Variants in NCS1 observed in about 807,000 individuals in gnomAD.
The protein encoded by NCS1 is frequenin homolog.
In NCS1, 6 loss-of-function variants were observed where a neutral mutation model predicts 28.4. That is an observed-to-expected ratio of 0.21 (90% CI 0.12 to 0.42). NCS1 has a LOEUF of 0.42. Among genes scored for constraint, NCS1 ranks in the 10% least tolerant of loss-of-function variants. The probability of loss-of-function intolerance (pLI) is 1.00; values close to 1 mark genes in which losing one functional copy is unlikely to be tolerated. For missense variants in NCS1, 131 were observed against 241.4 expected (o/e 0.54, Z 3.03); for synonymous variants, 86 against 99.3 (o/e 0.87, Z 0.79).
chr9:130,226,272 G>T lies in NCS1; in HGVS notation c.475-117G>T, dbSNP rs1437418159. The T allele has an allele frequency of 3.6e-6, 3 of 830,876 alleles. No individual in the cohort carries two copies. The highest frequency in any genetic ancestry group is 2.7e-5 in the East Asian group (1 of 37,440). 51.5% of individuals were successfully genotyped at this position (830,876 alleles called of 1,614,324 possible). ...TGGCTGCTTGTAGGCCCTGAGCCAC[G>T]TTGCCTCCCTCCTGATCTAACCTTG... On this transcript the variant is annotated intron_variant, in intron 6 of 7. Coordinates refer to ENST00000372398, the MANE Select transcript of NCS1 (RefSeq NM_014286.4). The surrounding 1 kb of genome is among the most constrained non-coding windows in gnomAD (Gnocchi z 4.8).
At chr9:130,222,834 C>A in intron 5 of NCS1, 96 bp downstream of exon 5, 2 of 1,297,270 alleles carry the variant, frequency 1.5e-6, no homozygotes, top group Non-Finnish European at 2.2e-6. Context: ...CATGCTCCTG[C>A]CCAGGGTGGA....
chr9:130,188,974 C>A (rs782185248), intron 1 of NCS1, among the ~76,000 whole-genome samples: 2 of 152,172 alleles, frequency 1.3e-5, no homozygotes, highest in African/African-American at 4.8e-5. Flanking sequence ...GTCTTGGTCT[C>A]CCAAAGTGCT....
At chr9:130,172,884 G>A (rs1327295527) in intron 1 of NCS1, among the ~76,000 whole-genome samples, 157 bp downstream of exon 1, 45 of 146,966 alleles carry the variant, frequency 3.1e-4, no homozygotes, top group African/African-American at 1.1e-3. Context: ...GGAGGTTCCC[G>A]GGCCGCGCCC....
In NCS1 at chr9:130,177,848, A is replaced by G. The variant is rs529018345; in HGVS notation, c.64+5121A>G. 4.6e-5 allele frequency among the ~76,000 whole-genome samples: 7 copies of G among 152,178 alleles called. No individual in the cohort carries two copies. Among genetic ancestry groups the G allele is most frequent in the Non-Finnish European group, 8.8e-5 (6 of 68,020 alleles). On this transcript the variant is annotated intron_variant, in intron 1 of 7. Transcript: ENST00000372398. This position sits in a 1 kb window ranked among gnomAD's most constrained non-coding sequence, Gnocchi z 4.4. ...TTGGCAGGAGAGTCCCTGGGAGGGA[A>G]GGAGGGCTCAGGGGCGAGTTCTGCG...
In NCS1 at chr9:130,191,544, T is replaced by C. The variant is rs1832816294; in HGVS notation, c.65-9414T>C. Among the ~76,000 whole-genome samples the C allele has an allele frequency of 6.6e-6, 1 of 152,010 alleles. No individual in the cohort carries two copies. The highest frequency in any genetic ancestry group is 1.5e-5 in the Non-Finnish European group (1 of 67,990). ...GGAAGTGGGGGCCGGTAGGGGGTGGTCAGAGCCTGGTCAGCTGGATGGCCG... is the reference window on the plus strand; with the variant it reads ...GGAAGTGGGGGCCGGTAGGGGGTGGCCAGAGCCTGGTCAGCTGGATGGCCG... On this transcript the variant is annotated intron_variant, in intron 1 of 7. Coordinates refer to ENST00000372398, the MANE Select transcript of NCS1 (RefSeq NM_014286.4). This position sits in a 1 kb window ranked among gnomAD's most constrained non-coding sequence, Gnocchi z 6.4.
intron 2 of NCS1, among the ~76,000 whole-genome samples, chr9:130,211,886 A>T (rs1833117618): frequency 6.6e-6 from 1 of 152,168 alleles, no homozygotes. Context: ...ACCAAGGCCC[A>T]GCTGGGGGAT....
chr9:130,198,979 G>A (rs374926353), intron 1 of NCS1, among the ~76,000 whole-genome samples: 3 of 152,158 alleles, frequency 2.0e-5, no homozygotes, highest in Non-Finnish European at 2.9e-5. Flanking sequence ...TCCTGAACCC[G>A]TTCCTGCCCC....
At chr9:130,176,159 TTTC>T (rs1167167314) in intron 1 of NCS1, among the ~76,000 whole-genome samples, 4 of 76,064 alleles carry the variant, frequency 5.3e-5, no homozygotes, top group Non-Finnish European at 8.9e-5. Context: ...TCTTTCTTTC[TTTC>T]TTTCTTTCTT....
At chr9:130,204,628 G>A (rs1157443577) in intron 2 of NCS1, among the ~76,000 whole-genome samples, 3 of 152,212 alleles carry the variant, frequency 2.0e-5, no homozygotes, top group Admixed American at 2.0e-4. Flanking sequence ...CTGGCTGAGT[G>A]ACCTTGGACA....
chr9:130,196,560 G>A (rs1318208022), intron 1 of NCS1, among the ~76,000 whole-genome samples: 1 of 152,184 alleles, frequency 6.6e-6, no homozygotes, highest in Non-Finnish European at 1.5e-5. Flanking sequence ...CCAGCATGGT[G>A]AAACCCCGTC....
chr9:130,219,549 T>TCCCCACCCTCTCCTTGCCTCTCGCC lies in NCS1; in HGVS notation c.229-170_229-146dup, dbSNP rs1833244083. 7.5e-6 allele frequency among the ~76,000 whole-genome samples: 1 copy of TCCCCACCCTCTCCTTGCCTCTCGCC among 132,814 alleles called. No individual in the cohort carries two copies. The highest frequency in any genetic ancestry group is 7.7e-5 in the Admixed American group (1 of 12,950). 87.1% of individuals were successfully genotyped at this position (132,814 alleles called of 152,430 possible). A position where few individuals can be genotyped will look rare whatever the true frequency, so the allele number is the denominator to read the frequency against. ...CCCCACACAGTCCCCCAGCCTCTGC[T>TCCCCACCCTCTCCTTGCCTCTCGCC]CCCCACCCTCTCCTTGCCTCTCGCC... On this transcript the variant is annotated intron_variant, in intron 3 of 7. Coordinates refer to ENST00000372398, the MANE Select transcript of NCS1 (RefSeq NM_014286.4). This position sits in a 1 kb window ranked among gnomAD's most constrained non-coding sequence, Gnocchi z 5.7.
chr9:130,197,940 G>A (rs1230977771), intron 1 of NCS1, among the ~76,000 whole-genome samples: 6 of 148,144 alleles, frequency 4.1e-5, no homozygotes, highest in African/African-American at 1.2e-4. Flanking sequence ...ACTCCAGCCT[G>A]GGTGACAGAG....
rs1411518557 is a variant in NCS1 at position 130,234,492 on chromosome 9, C to T, written c.*1520C>T. 1.3e-5 allele frequency: 2 copies of T among 152,326 alleles called. No homozygotes were observed. The highest frequency in any genetic ancestry group is 2.9e-5 in the Non-Finnish European group (2 of 68,112). The allele number at this position is 152,326 out of a possible 1,614,324, so 9.4% of individuals were successfully genotyped here. A position where few individuals can be genotyped will look rare whatever the true frequency, so the allele number is the denominator to read the frequency against. ...TTGATTGTGGGCAGCCTCCTGCCCT[C>T]TCTGGGTCTCAGTTGCCCCATCTGC... On this transcript the variant is annotated 3_prime_UTR_variant, in exon 8 of 8. Transcript: ENST00000372398. The surrounding 1 kb of genome is among the most constrained non-coding windows in gnomAD (Gnocchi z 6.1).
intron 1 of NCS1, among the ~76,000 whole-genome samples, chr9:130,176,540 C>T (rs1832574213): frequency 6.6e-6 from 1 of 152,158 alleles, no homozygotes; most frequent in Non-Finnish European, 1.5e-5. Context: ...TCATCTTGAA[C>T]TGGGCTTATG....
intron 6 of NCS1, among the ~76,000 whole-genome samples, chr9:130,225,387 AT>A (rs1250522758): frequency 1.3e-5 from 2 of 152,266 alleles, no homozygotes; most frequent in African/African-American, 4.8e-5. Context: ...CGTCTTGGTA[AT>A]GATCAAAAGA....
At chr9:130,222,793 C>CT in intron 5 of NCS1, 55 bp downstream of exon 5, 1 of 1,547,520 alleles carries the variant, frequency 6.5e-7, no homozygotes, top group African/African-American at 1.4e-5. Context: ...AAGCCAGTGA[C>CT]TGAGAGACAG....
chr9:130,226,034 T>C lies in NCS1; in HGVS notation c.475-355T>C, dbSNP rs1833409825. On this transcript the variant is annotated intron_variant, in intron 6 of 7. Transcript: ENST00000372398. The surrounding 1 kb of genome is among the most constrained non-coding windows in gnomAD (Gnocchi z 4.8). ...GAGAACTGCACGAGGCTCTCAGCCT[T>C]GTCAGTTACTCACATTGATGGGGTT... 6.6e-6 allele frequency among the ~76,000 whole-genome samples: 1 copy of C among 152,194 alleles called. No individual in the cohort carries two copies. Among genetic ancestry groups the C allele is most frequent in the Admixed American group, 6.5e-5 (1 of 15,280 alleles).
chr9:130,200,603 TG>T (rs1554907349), intron 1 of NCS1: 1 of 1,551,772 alleles, frequency 6.4e-7, no homozygotes, highest in Admixed American at 2.0e-5. Flanking sequence ...GATTGAGAGA[TG>T]GCAACGAGTA....
At chr9:130,228,162 T>G (rs1458678329) in intron 7 of NCS1, among the ~76,000 whole-genome samples, 2 of 151,982 alleles carry the variant, frequency 1.3e-5, no homozygotes, top group African/African-American at 4.8e-5. Context: ...ATCTTGGAAG[T>G]GATATCCATC....
Sources: allele counts gnomAD v4.1 joint callset (sites outside exome capture counted in the v4.1 genomes callset), GRCh38; gene constraint gnomAD v4.1.1; non-coding constraint Gnocchi (gnomAD v3.1); transcripts MANE v1.5; gene names NCBI Gene and HGNC (gene_info 2026-07-23, HGNC 2026-07-21).